WDR70: variants seen among roughly 807,000 people sequenced by gnomAD.
WDR70 encodes WD repeat-containing protein 70.
In WDR70, 53 loss-of-function variants were observed where a neutral mutation model predicts 88.6. That is an observed-to-expected ratio of 0.60 (90% CI 0.48 to 0.75). The LOEUF (loss-of-function observed/expected upper bound fraction) is 0.75, where lower values mean the gene tolerates loss of function less well. Among genes scored for constraint, WDR70 ranks in the 30% least tolerant of loss-of-function variants. The probability of loss-of-function intolerance (pLI) is 0.00; values close to 1 mark genes in which losing one functional copy is unlikely to be tolerated. For missense variants in WDR70, 610 were observed against 823.2 expected, an observed-to-expected ratio of 0.74 and a Z score of 3.17; for synonymous variants, 280 against 270.0, an observed-to-expected ratio of 1.04 and a Z score of -0.36.
intron 9 of WDR70, among the ~76,000 whole-genome samples, chr5:37,558,472 C>T (rs1160938162): frequency 6.6e-6 from 1 of 151,842 alleles, no homozygotes; most frequent in Non-Finnish European, 1.5e-5. Flanking sequence ...GTGCACACCA[C>T]CTTCCTGGTT....
At position 37,381,635 on chromosome 5, in the gene WDR70, T is replaced by C. The variant is rs1430800698; in HGVS notation, c.125T>C (p.Met42Thr). ...KKARTFDLEAMFEQTRRTAVE... is the reference protein window; with the variant it reads ...KKARTFDLEATFEQTRRTAVE... ...GCTCGCACATTTGACTTGGAAGCAA[T>C]GTTTGAACAAACTCGAAGGACAGCT... is the stretch of plus-strand genomic sequence containing the variant. Residue 42 changes from methionine (M) to threonine (T), a missense_variant, in exon 3 of 18, where the codon ATG becomes ACG. Physicochemically the swap from Met to Thr is moderately conservative, Grantham distance 81. Transcript: ENST00000265107. 6 of 1,612,240 alleles carry C rather than the reference T, an allele frequency of 3.7e-6. No individual in the cohort carries two copies. The Admixed American group carries it at 6.7e-5, about 18-fold the overall frequency.
intron 3 of WDR70, among the ~76,000 whole-genome samples, chr5:37,383,294 C>G (rs966233726): frequency 6.6e-6 from 1 of 152,106 alleles, no homozygotes; most frequent in African/African-American, 2.4e-5. Flanking sequence ...GAGGCCTGCT[C>G]TGTCGCCCAG....
At position 37,638,944 on chromosome 5, in the gene WDR70, T is replaced by A. The variant is rs1266258181; in HGVS notation, c.1092+33706T>A. Among the ~76,000 whole-genome samples, 3 of 152,208 alleles carry A rather than the reference T, an allele frequency of 2.0e-5. No individual in the cohort carries two copies. In the East Asian group the frequency reaches 5.8e-4, roughly 29 times the overall value. On this transcript the variant is annotated intron_variant, in intron 10 of 17. Transcript: ENST00000265107. ...AGAATAATTTAATATACCATGGTAC[T>A]TAAAAGGAAACAAAAATGTATCTAA...
intron 7 of WDR70, among the ~76,000 whole-genome samples, chr5:37,474,712 T>G (rs1270283751): frequency 6.6e-6 from 1 of 152,120 alleles, no homozygotes; most frequent in African/African-American, 2.4e-5. Flanking sequence ...TTCTTCCACA[T>G]GCTCTCCCCC....
intron 6 of WDR70, among the ~76,000 whole-genome samples, chr5:37,442,406 T>G (rs2112051697): frequency 6.6e-6 from 1 of 151,894 alleles, no homozygotes; most frequent in East Asian, 1.9e-4. Flanking sequence ...TGGCACGATC[T>G]TGGCTCATTG....
chr5:37,659,456 G>C (rs966811292), intron 10 of WDR70, among the ~76,000 whole-genome samples: 28 of 151,020 alleles, frequency 1.9e-4, no homozygotes, highest in Non-Finnish European at 3.7e-4. Flanking sequence ...CTTCTTATTT[G>C]CTCATTGTCT....
At chr5:37,448,439 T>C (rs1301335021) in intron 7 of WDR70, among the ~76,000 whole-genome samples, 1 of 152,202 alleles carries the variant, frequency 6.6e-6, no homozygotes, top group Non-Finnish European at 1.5e-5. Flanking sequence ...TCATTGCTTT[T>C]GACCTTTTGA....
chr5:37,487,627 A>ATATATTTTTTTTTTTTTTT (rs1317924512), intron 8 of WDR70, among the ~76,000 whole-genome samples: 2 of 69,064 alleles, frequency 2.9e-5, no homozygotes, highest in African/African-American at 1.0e-4. Context: ...ATATATATGT[A>ATATATTTTTTTTTTTTTTT]TTTTTTTTTT....
At chr5:37,652,106 A>G (rs1187246193) in intron 10 of WDR70, among the ~76,000 whole-genome samples, 1 of 152,164 alleles carries the variant, frequency 6.6e-6, no homozygotes, top group Non-Finnish European at 1.5e-5. Flanking sequence ...ATCTTGGGAT[A>G]ATTTTTGTAT....
At chr5:37,626,028 G>A (rs1301227062) in intron 10 of WDR70, among the ~76,000 whole-genome samples, 10 of 144,338 alleles carry the variant, frequency 6.9e-5, no homozygotes, top group Non-Finnish European at 1.3e-4. Flanking sequence ...TTGTAGTAAA[G>A]TCGGTATGTT....
In WDR70 at chr5:37,460,732, AAAG is replaced by A. The variant is rs1561860687; in HGVS notation, c.686+17363_686+17365del. Among the ~76,000 whole-genome samples the A allele has an allele frequency of 1.8e-4, 28 of 151,550 alleles. No homozygotes were observed. In the South Asian group the frequency reaches 5.2e-3, roughly 28 times the overall value. Reference sequence around the variant, plus strand: ...AATAAAAAATAAAAAATAAAAACAAAAAGAAAACAGCAGGTTGAGTTGCATAGG... The same window carrying A: ...AATAAAAAATAAAAAATAAAAACAAAAAAACAGCAGGTTGAGTTGCATAGG... On this transcript the variant is annotated intron_variant, in intron 7 of 17. Coordinates refer to ENST00000265107, the MANE Select transcript of WDR70 (RefSeq NM_018034.4).
At chr5:37,691,341 C>T (rs959285686) in intron 10 of WDR70, among the ~76,000 whole-genome samples, 1 of 152,206 alleles carries the variant, frequency 6.6e-6, no homozygotes, top group Non-Finnish European at 1.5e-5. Context: ...GACTTGAACT[C>T]AGCTCTGCAC....
intron 10 of WDR70, among the ~76,000 whole-genome samples, chr5:37,653,554 G>A (rs192023212): frequency 1.6e-3 from 249 of 152,278 alleles, no homozygotes; most frequent in African/African-American, 5.7e-3. Flanking sequence ...ATTCTGCTGT[G>A]AATCCATCTG....
intron 9 of WDR70, among the ~76,000 whole-genome samples, chr5:37,593,863 C>G (rs768966575): frequency 6.6e-6 from 1 of 152,168 alleles, no homozygotes; most frequent in Non-Finnish European, 1.5e-5. Flanking sequence ...AAGATGGTAT[C>G]TCATTGTGGG....
At chr5:37,533,554 C>T (rs1490968657) in intron 9 of WDR70, among the ~76,000 whole-genome samples, 3 of 148,434 alleles carry the variant, frequency 2.0e-5, no homozygotes, top group African/African-American at 7.5e-5. Context: ...GTGGGCGGGG[C>T]CATAGAGCTT....
rs190167416 is a variant in WDR70 at position 37,649,591 on chromosome 5, T to C, written c.1092+44353T>C. 1.4e-4 allele frequency among the ~76,000 whole-genome samples: 21 copies of C among 151,706 alleles called. 2 individuals are homozygous for C. The highest frequency in any genetic ancestry group is 4.1e-4 in the African/African-American group (17 of 41,298). On this transcript the variant is annotated intron_variant, in intron 10 of 17. Coordinates refer to ENST00000265107, the MANE Select transcript of WDR70 (RefSeq NM_018034.4). ...GTCAGTTAAGCTTTCTGATCTTTTA[T>C]GGTTTGCCTCTGGACTATAGATGTG...
intron 5 of WDR70, among the ~76,000 whole-genome samples, chr5:37,411,385 T>A (rs557419713): frequency 2.0e-5 from 3 of 147,336 alleles, no homozygotes; most frequent in Non-Finnish European, 4.4e-5. Context: ...TTCTGTCATC[T>A]CTATAGTTCC....
At chr5:37,447,494 TTA>T (rs1328048109) in intron 7 of WDR70, among the ~76,000 whole-genome samples, 4 of 152,184 alleles carry the variant, frequency 2.6e-5, no homozygotes, top group African/African-American at 9.7e-5. Flanking sequence ...ACACGTATGT[TTA>T]TTGTGGCACT....
At chr5:37,710,246 G>C (rs1747469008) in intron 13 of WDR70, among the ~76,000 whole-genome samples, 1 of 151,848 alleles carries the variant, frequency 6.6e-6, no homozygotes, top group African/African-American at 2.4e-5. Flanking sequence ...AAAGCATACG[G>C]TTCTGTGGTT....
Sources: gnomAD v4.1 joint callset for allele counts (sites outside exome capture counted in the v4.1 genomes callset) on GRCh38, gnomAD v4.1.1 for gene constraint, MANE v1.5 for transcripts, NCBI Gene and HGNC (gene_info 2026-07-23, HGNC 2026-07-21) for gene names.